The following MLLT3 variants were observed in gnomAD, a reference collection of about 807,000 sequenced individuals.
The protein encoded by MLLT3 is MLLT3 super elongation complex subunit, also known as protein AF-9.
A neutral mutation model predicts 53.2 loss-of-function variants in MLLT3; 4 were observed. That is an observed-to-expected ratio of 0.08 (90% CI 0.04 to 0.17). MLLT3 has a LOEUF of 0.17. MLLT3 is among the 10% of genes least tolerant of loss of function. MLLT3 has a pLI of 1.00. For synonymous variants in MLLT3, 283 were observed against 230.6 expected, an observed-to-expected ratio of 1.23 and a Z score of -2.06; for missense variants, 569 against 684.0, an observed-to-expected ratio of 0.83 and a Z score of 1.87.
Position 20,448,509 on chromosome 9 carries a change from C to G in MLLT3, c.277-243G>C, listed in dbSNP as rs189615004. Among the ~76,000 whole-genome samples the G allele has an allele frequency of 3.3e-5, 5 of 152,192 alleles. No individual in the cohort carries two copies. In the South Asian group the frequency reaches 1.0e-3, roughly 32 times the overall value. On this transcript the variant is annotated intron_variant, in intron 3 of 10. Coordinates refer to ENST00000380338, the MANE Select transcript of MLLT3 (RefSeq NM_004529.4). This position sits in a 1 kb window ranked among gnomAD's most constrained non-coding sequence, Gnocchi z 4.0. ...AATAAGAAAAACTTCTCTTCTTCCCCATGATCTTTCAGGTGACAGGATACC... is the reference window on the plus strand; with the variant it reads ...AATAAGAAAAACTTCTCTTCTTCCCGATGATCTTTCAGGTGACAGGATACC...
chr9:20,446,214 T>C (rs562317775), intron 4 of MLLT3, among the ~76,000 whole-genome samples: 2 of 152,216 alleles, frequency 1.3e-5, no homozygotes, highest in Admixed American at 6.5e-5. Flanking sequence ...AAACAGCATA[T>C]GCCTGGAATA....
intron 4 of MLLT3, among the ~76,000 whole-genome samples, chr9:20,414,993 T>C (rs1362020066): frequency 6.6e-6 from 1 of 152,146 alleles, no homozygotes; most frequent in Non-Finnish European, 1.5e-5. Context: ...CAGATTGTAT[T>C]TGGGGAACAC....
chr9:20,517,966 C>T (rs917263948), intron 2 of MLLT3, among the ~76,000 whole-genome samples: 2 of 152,050 alleles, frequency 1.3e-5, no homozygotes, highest in Admixed American at 6.6e-5. Context: ...CCAAAGTTGG[C>T]GTAATTTAAA....
intron 2 of MLLT3, among the ~76,000 whole-genome samples, chr9:20,493,572 T>C (rs1825006756): frequency 6.6e-6 from 1 of 152,042 alleles, no homozygotes; most frequent in African/African-American, 2.4e-5. Flanking sequence ...TAGATGCTCA[T>C]TAGTATTATT....
At chr9:20,521,841 G>A (rs568916422) in intron 2 of MLLT3, among the ~76,000 whole-genome samples, 1 of 152,006 alleles carries the variant, frequency 6.6e-6, no homozygotes, top group Non-Finnish European at 1.5e-5. Flanking sequence ...AAAAATAGCC[G>A]TAATATTCTC....
At chr9:20,522,098 G>C (rs187279608) in intron 2 of MLLT3, among the ~76,000 whole-genome samples, 6 of 149,440 alleles carry the variant, frequency 4.0e-5, no homozygotes, top group Admixed American at 2.7e-4. Context: ...TATTTCTAGA[G>C]CCCAGAAACA....
At chr9:20,458,841 C>A (rs758911113) in intron 2 of MLLT3, among the ~76,000 whole-genome samples, 1 of 152,142 alleles carries the variant, frequency 6.6e-6, no homozygotes, top group African/African-American at 2.4e-5. Flanking sequence ...CAGGGCCTGG[C>A]GCATAAGTTC....
At chr9:20,440,125 G>A (rs1257767195) in intron 4 of MLLT3, among the ~76,000 whole-genome samples, 1 of 152,140 alleles carries the variant, frequency 6.6e-6, no homozygotes, top group Non-Finnish European at 1.5e-5. Context: ...GTACCAGATA[G>A]CATTTAATAA....
chr9:20,461,981 G>C (rs1182303296), intron 2 of MLLT3, among the ~76,000 whole-genome samples: 2 of 152,042 alleles, frequency 1.3e-5, no homozygotes, highest in African/African-American at 2.4e-5. Context: ...CTCACTTCCT[G>C]CTTCACTTCT....
At chr9:20,388,265 G>A (rs914393804) in intron 5 of MLLT3, among the ~76,000 whole-genome samples, 6 of 152,150 alleles carry the variant, frequency 3.9e-5, no homozygotes, top group African/African-American at 1.4e-4. Flanking sequence ...GAAGATGACA[G>A]TAGAATTTGT....
At chr9:20,595,108 G>C (rs936373793) in intron 2 of MLLT3, among the ~76,000 whole-genome samples, 1 of 152,082 alleles carries the variant, frequency 6.6e-6, no homozygotes, top group African/African-American at 2.4e-5. Context: ...TGTCATCCCA[G>C]CACTTTGAGA....
At chr9:20,619,960 G>A (rs1295306848) in intron 2 of MLLT3, among the ~76,000 whole-genome samples, 1 of 152,074 alleles carries the variant, frequency 6.6e-6, no homozygotes, top group Non-Finnish European at 1.5e-5. Context: ...GATCACATCC[G>A]GCAGACACTT....
intron 5 of MLLT3, among the ~76,000 whole-genome samples, chr9:20,402,957 G>C (rs1822492416): frequency 6.6e-6 from 1 of 152,164 alleles, no homozygotes; most frequent in Non-Finnish European, 1.5e-5. Flanking sequence ...AAGTGTGTAA[G>C]GGCTAGTTTT....
intron 2 of MLLT3, among the ~76,000 whole-genome samples, chr9:20,550,552 G>C (rs910423944): frequency 1.3e-5 from 2 of 151,522 alleles, no homozygotes; most frequent in South Asian, 4.2e-4. Flanking sequence ...CACCCCACGA[G>C]TAACTGGGAC....
intron 4 of MLLT3, among the ~76,000 whole-genome samples, chr9:20,422,645 C>A (rs1823039864): frequency 6.6e-6 from 1 of 152,172 alleles, no homozygotes. Context: ...AGATTCCCCT[C>A]AGCCATACCT....
Position 20,539,421 on chromosome 9 carries a change from T to C in MLLT3, c.193+81233A>G, listed in dbSNP as rs1054655972. Among the ~76,000 whole-genome samples, 4 of 152,324 alleles carry C rather than the reference T, an allele frequency of 2.6e-5. No homozygotes were observed. In the South Asian group the frequency reaches 6.2e-4, roughly 24 times the overall value. On this transcript the variant is annotated intron_variant, in intron 2 of 10. Coordinates refer to ENST00000380338, the MANE Select transcript of MLLT3 (RefSeq NM_004529.4). The stretch of plus-strand genomic sequence containing the variant: ...TAATTTATAAATAAAAGAGGTTTAA[T>C]TGACTCACAGTTCCATATGGCAGGA...
chr9:20,560,821 A>C (rs961697897), intron 2 of MLLT3, among the ~76,000 whole-genome samples: 1 of 151,990 alleles, frequency 6.6e-6, no homozygotes, highest in African/African-American at 2.4e-5. Flanking sequence ...TATGGGGTAC[A>C]TGTGAGTATT....
At chr9:20,585,030 G>A (rs981915968) in intron 2 of MLLT3, among the ~76,000 whole-genome samples, 3 of 152,166 alleles carry the variant, frequency 2.0e-5, no homozygotes, top group African/African-American at 7.2e-5. Context: ...ATACTTTGGA[G>A]CATGATTTCT....
chr9:20,485,615 A>G (rs996761281), intron 2 of MLLT3, among the ~76,000 whole-genome samples: 2 of 152,246 alleles, frequency 1.3e-5, no homozygotes, highest in Non-Finnish European at 2.9e-5. Flanking sequence ...TGCAGACACT[A>G]AGCCAAGATG....
Sources: allele counts gnomAD v4.1 joint callset (sites outside exome capture counted in the v4.1 genomes callset), GRCh38; gene constraint gnomAD v4.1.1; non-coding constraint Gnocchi (gnomAD v3.1); transcripts MANE v1.5; gene names NCBI Gene and HGNC (gene_info 2026-07-23, HGNC 2026-07-21).